The following EPHA7 variants were observed in gnomAD, a reference collection of about 807,000 sequenced individuals.
EPHA7 encodes ephrin type-A receptor 7.
Under a neutral mutation model 112.6 loss-of-function variants are expected in EPHA7, and 25 were observed. That is an observed-to-expected ratio of 0.22 (90% CI 0.16 to 0.31). The LOEUF is 0.31. Among genes scored for constraint, EPHA7 ranks in the 10% least tolerant of loss-of-function variants. The probability of loss-of-function intolerance (pLI) is 1.00; values close to 1 mark genes in which losing one functional copy is unlikely to be tolerated. For missense variants in EPHA7, 962 were observed against 1,212.6 expected, an observed-to-expected ratio of 0.79 and a Z score of 3.07; for synonymous variants, 437 against 406.5, an observed-to-expected ratio of 1.07 and a Z score of -0.90.
intron 15 of EPHA7, 122 bp from the exon 16 acceptor site, chr6:93,245,575 A>G (rs1007281136): frequency 1.7e-4 from 157 of 916,412 alleles, no homozygotes; most frequent in Non-Finnish European, 2.3e-4. Context: ...TGTACATAAT[A>G]AAAAATACAT....
intron 5 of EPHA7, among the ~76,000 whole-genome samples, chr6:93,285,560 A>G (rs975802392): frequency 4.6e-5 from 7 of 152,212 alleles, no homozygotes; most frequent in Non-Finnish European, 8.8e-5. Flanking sequence ...TAATATTATT[A>G]ACTATGCAAA....
intron 3 of EPHA7, among the ~76,000 whole-genome samples, chr6:93,375,531 T>C (rs985707201): frequency 6.6e-6 from 1 of 150,978 alleles, no homozygotes; most frequent in Non-Finnish European, 1.5e-5. Context: ...TGCAGGAGGA[T>C]CACTTAGGCC....
At chr6:93,363,319 T>G (rs1400457777) in intron 3 of EPHA7, among the ~76,000 whole-genome samples, 1 of 152,090 alleles carries the variant, frequency 6.6e-6, no homozygotes, top group African/African-American at 2.4e-5. Flanking sequence ...GAGGTAAAAT[T>G]AGATATTATC....
chr6:93,394,745 A>G (rs905056732), intron 3 of EPHA7, among the ~76,000 whole-genome samples: 5 of 151,828 alleles, frequency 3.3e-5, no homozygotes, highest in African/African-American at 7.2e-5. Context: ...TTCAAACATG[A>G]TTGATGTCAA....
intron 5 of EPHA7, among the ~76,000 whole-genome samples, chr6:93,313,474 T>G (rs572658471): frequency 1.8e-4 from 27 of 151,764 alleles, no homozygotes; most frequent in Admixed American, 1.4e-3. Flanking sequence ...AGGAAACACT[T>G]AACTGCTTTT....
intron 4 of EPHA7, among the ~76,000 whole-genome samples, 160 bp from the exon 5 acceptor site, chr6:93,357,212 C>G (rs1459108454): frequency 6.6e-6 from 1 of 152,066 alleles, no homozygotes; most frequent in Non-Finnish European, 1.5e-5. Flanking sequence ...ATTTCATTAC[C>G]TTTACTAGAG....
At chr6:93,290,796 C>T (rs995993215) in intron 5 of EPHA7, among the ~76,000 whole-genome samples, 4 of 152,062 alleles carry the variant, frequency 2.6e-5, no homozygotes, top group South Asian at 2.1e-4. Context: ...GAGGCTCTTA[C>T]GAATGCCCAG....
chr6:93,416,206 C>T (rs1443191394), intron 1 of EPHA7, among the ~76,000 whole-genome samples: 1 of 152,178 alleles, frequency 6.6e-6, no homozygotes, highest in African/African-American at 2.4e-5. Context: ...AATCGTTGGA[C>T]TAGCGAATTT....
intron 3 of EPHA7, among the ~76,000 whole-genome samples, chr6:93,364,258 T>C (rs553874333): frequency 1.4e-4 from 22 of 152,252 alleles, no homozygotes; most frequent in African/African-American, 5.3e-4. Flanking sequence ...GCACGGTGGC[T>C]CATGCCTGTA....
At chr6:93,356,635 G>A (rs1407252415) in intron 5 of EPHA7, 82 bp downstream of exon 5, 2 of 1,292,308 alleles carry the variant, frequency 1.5e-6, no homozygotes. Flanking sequence ...TCTGTGCAGA[G>A]AAACTAACTA....
chr6:93,347,626 C>T (rs1775466817), intron 5 of EPHA7, among the ~76,000 whole-genome samples: 1 of 151,798 alleles, frequency 6.6e-6, no homozygotes, highest in South Asian at 2.1e-4. Context: ...GACTGAGGGG[C>T]TTAAATTGAA....
chr6:93,255,727 T>A (rs1770413116), intron 13 of EPHA7, 101 bp downstream of exon 13: 1 of 1,045,330 alleles, frequency 9.6e-7, no homozygotes, highest in African/African-American at 1.6e-5. Context: ...TTAGCTCAAT[T>A]TGCTTCATTT....
chr6:93,408,228 C>G (rs539263373), intron 3 of EPHA7, among the ~76,000 whole-genome samples: 3 of 151,880 alleles, frequency 2.0e-5, no homozygotes, highest in Non-Finnish European at 4.4e-5. Flanking sequence ...TTTTTCATAT[C>G]AATCAAGTTC....
At chr6:93,304,045 G>A (rs1358814567) in intron 5 of EPHA7, among the ~76,000 whole-genome samples, 2 of 151,894 alleles carry the variant, frequency 1.3e-5, no homozygotes, top group East Asian at 1.9e-4. Flanking sequence ...GCACTCAAAC[G>A]AAGAGGACAT....
In EPHA7 at chr6:93,357,066, G is replaced by C. The variant is rs769306272; in HGVS notation, c.989-14C>G. 6.5e-7 allele frequency: 1 copy of C among 1,550,134 alleles called. No individual in the cohort carries two copies. The highest frequency in any genetic ancestry group is 8.7e-7 in the Non-Finnish European group (1 of 1,147,118). On this transcript the variant is annotated splice_polypyrimidine_tract_variant and intron_variant, in intron 4 of 16. Coordinates refer to ENST00000369303, the MANE Select transcript of EPHA7 (RefSeq NM_004440.4). ...CAGATGGAGGCCCTTGGGAAACCAA[G>C]AATAAATAAGTAAATAAGCAAAAAT...
At chr6:93,358,676 A>T (rs1776085538) in intron 3 of EPHA7, among the ~76,000 whole-genome samples, 1 of 152,216 alleles carries the variant, frequency 6.6e-6, no homozygotes, top group Admixed American at 6.5e-5. Flanking sequence ...AACTGAATAC[A>T]GGCATAATTT....
intron 5 of EPHA7, among the ~76,000 whole-genome samples, chr6:93,348,504 G>A (rs1015972124): frequency 2.6e-5 from 4 of 151,610 alleles, no homozygotes; most frequent in African/African-American, 7.3e-5. Context: ...GAAGCATTAC[G>A]AAAGTTTTCA....
At chr6:93,262,415 A>T (rs62414218) in intron 9 of EPHA7, among the ~76,000 whole-genome samples, 10,347 of 150,712 alleles carry the variant, frequency 0.069, 531 homozygotes, top group Admixed American at 0.13. Context: ...AGTCATATTC[A>T]GGGGTATATT....
chr6:93,351,706 A>G (rs1285362574), intron 5 of EPHA7, among the ~76,000 whole-genome samples: 2 of 152,008 alleles, frequency 1.3e-5, no homozygotes, highest in Non-Finnish European at 2.9e-5. Flanking sequence ...TGGGGAAAAT[A>G]TGAGGCCAAA....
Sources: gnomAD v4.1 joint callset for allele counts (sites outside exome capture counted in the v4.1 genomes callset) on GRCh38, gnomAD v4.1.1 for gene constraint, MANE v1.5 for transcripts, NCBI Gene and HGNC (gene_info 2026-07-23, HGNC 2026-07-21) for gene names.